Variants in DSCAML1 observed in about 807,000 individuals in gnomAD.
DSCAML1 encodes cell adhesion molecule DSCAML1.
A neutral mutation model predicts 200.5 loss-of-function variants in DSCAML1; 38 were observed. The observed-to-expected ratio is 0.19, with a 90% confidence interval of 0.15 to 0.25. The LOEUF is 0.25. Ranked by LOEUF, DSCAML1 falls within the 10% of genes least tolerant of loss-of-function variation. The pLI is 1.00. For synonymous variants in DSCAML1, 1,215 were observed against 1,165.0 expected (o/e 1.04, Z -0.87); for missense variants, 2,223 against 2,858.8 (o/e 0.78, Z 5.07).
intron 1 of DSCAML1, among the ~76,000 whole-genome samples, chr11:117,788,805 A>C (rs1204918385): frequency 6.6e-6 from 1 of 152,234 alleles, no homozygotes; most frequent in Non-Finnish European, 1.5e-5. Flanking sequence ...CACAGTTCGC[A>C]GTGGCAGAGC....
intron 3 of DSCAML1, among the ~76,000 whole-genome samples, chr11:117,666,478 G>A (rs2052978506): frequency 1.3e-5 from 2 of 152,160 alleles, no homozygotes; most frequent in Admixed American, 6.5e-5. Flanking sequence ...CTTTCTGCCT[G>A]TTTCCTGATC....
At chr11:117,650,362 C>T (rs926884753) in intron 3 of DSCAML1, among the ~76,000 whole-genome samples, 2 of 152,180 alleles carry the variant, frequency 1.3e-5, no homozygotes, top group Admixed American at 6.5e-5. Flanking sequence ...TGCATGTTGC[C>T]AGGATCCAGT....
intron 3 of DSCAML1, among the ~76,000 whole-genome samples, chr11:117,754,090 C>T (rs1026533481): frequency 3.3e-5 from 5 of 152,184 alleles, no homozygotes; most frequent in Admixed American, 2.0e-4. Flanking sequence ...CAGAGATTCC[C>T]GACTTTTGGA....
chr11:117,597,006 G>A (rs967000511), intron 3 of DSCAML1, among the ~76,000 whole-genome samples: 4 of 152,140 alleles, frequency 2.6e-5, no homozygotes, highest in Non-Finnish European at 4.4e-5. Context: ...ACTGTGATGA[G>A]CAGTCCCATA....
Position 117,497,079 on chromosome 11 carries a change from A to G in DSCAML1, c.2359+6766T>C, listed in dbSNP as rs79350250. 5.8e-4 allele frequency among the ~76,000 whole-genome samples: 88 copies of G among 152,296 alleles called. No individual in the cohort carries two copies. The East Asian group carries it at 0.013, about 22-fold the overall frequency. On this transcript the variant is annotated intron_variant, in intron 11 of 32. Coordinates refer to ENST00000651296, the MANE Select transcript of DSCAML1 (RefSeq NM_020693.4). ...ACAGCTTCTGAATGCTGGGGCCTGG[A>G]ACTGGCGACACATGCCCTCGAGTCT...
intron 14 of DSCAML1, among the ~76,000 whole-genome samples, chr11:117,475,791 T>C (rs2048779619): frequency 6.8e-6 from 1 of 147,382 alleles, no homozygotes; most frequent in Non-Finnish European, 1.5e-5. Context: ...GAACAACTCC[T>C]TTTTTTCTTC....
At chr11:117,794,786 C>G (rs1287831024) in intron 1 of DSCAML1, among the ~76,000 whole-genome samples, 1 of 151,846 alleles carries the variant, frequency 6.6e-6, no homozygotes, top group Non-Finnish European at 1.5e-5. Context: ...GCAGAACAGG[C>G]CCCAGGGACC....
At chr11:117,442,793 T>A (rs537314480) in intron 21 of DSCAML1, among the ~76,000 whole-genome samples, 5 of 151,928 alleles carry the variant, frequency 3.3e-5, no homozygotes, top group Non-Finnish European at 5.9e-5. Context: ...TAGGGGGTGG[T>A]AGGAGGTGCT....
At chr11:117,474,436 T>C (rs747071932) in intron 14 of DSCAML1, among the ~76,000 whole-genome samples, 1 of 152,186 alleles carries the variant, frequency 6.6e-6, no homozygotes, top group Non-Finnish European at 1.5e-5. Flanking sequence ...TCCTTCTCTC[T>C]TGCCATGCAC....
intron 18 of DSCAML1, among the ~76,000 whole-genome samples, chr11:117,461,045 T>C (rs1040749288): frequency 4.2e-5 from 6 of 143,500 alleles, no homozygotes; most frequent in African/African-American, 1.6e-4. Flanking sequence ...CTGGCTCACA[T>C]AGCCATAAAG....
At chr11:117,664,317 G>A (rs956506041) in intron 3 of DSCAML1, among the ~76,000 whole-genome samples, 1 of 152,220 alleles carries the variant, frequency 6.6e-6, no homozygotes, top group African/African-American at 2.4e-5. Context: ...TTCTGAGCAG[G>A]TATTTTTATT....
At chr11:117,697,442 A>G (rs1049339307) in intron 3 of DSCAML1, among the ~76,000 whole-genome samples, 1 of 152,168 alleles carries the variant, frequency 6.6e-6, no homozygotes, top group African/African-American at 2.4e-5. Context: ...ATGGCAAAAT[A>G]TGCATAATAT....
chr11:117,502,408 C>T (rs762133478), intron 11 of DSCAML1, among the ~76,000 whole-genome samples: 1 of 152,226 alleles, frequency 6.6e-6, no homozygotes, highest in Non-Finnish European at 1.5e-5. Context: ...TCCCCCGCCT[C>T]GCGCAGCCAG....
At chr11:117,554,294 T>C (rs579239) in intron 3 of DSCAML1, among the ~76,000 whole-genome samples, 45,077 of 152,088 alleles carry the variant, frequency 0.3, 7,161 homozygotes, top group South Asian at 0.46. Flanking sequence ...AGATGGGAAA[T>C]GTTGTCATGT....
chr11:117,460,551 C>T (rs2048459349), intron 18 of DSCAML1, among the ~76,000 whole-genome samples: 1 of 152,048 alleles, frequency 6.6e-6, no homozygotes, highest in Non-Finnish European at 1.5e-5. Flanking sequence ...TTTAATGGAG[C>T]ATTTCCACAG....
At chr11:117,723,259 A>C (rs2054069971) in intron 3 of DSCAML1, among the ~76,000 whole-genome samples, 1 of 152,220 alleles carries the variant, frequency 6.6e-6, no homozygotes, top group Non-Finnish European at 1.5e-5. Context: ...CTATATCTGC[A>C]CCAAAGTCAC....
chr11:117,481,663 G>A (rs2048924047), intron 12 of DSCAML1, among the ~76,000 whole-genome samples: 1 of 151,394 alleles, frequency 6.6e-6, no homozygotes, highest in African/African-American at 2.4e-5. Context: ...CCAGGAGAGA[G>A]GGAGGGGCTG....
chr11:117,680,550 G>C (rs569319021), intron 3 of DSCAML1, among the ~76,000 whole-genome samples: 1 of 152,342 alleles, frequency 6.6e-6, no homozygotes, highest in East Asian at 1.9e-4. Context: ...GGACTTCTGT[G>C]GGGGAGAACT....
chr11:117,453,746 C>CTTTCTTTTTTT (rs748920908), intron 19 of DSCAML1, among the ~76,000 whole-genome samples: 45 of 138,164 alleles, frequency 3.3e-4, no homozygotes, highest in Admixed American at 5.2e-4. Context: ...TTCTTTCTTT[C>CTTTCTTTTTTT]TTTTTTTTTT....
Sources: gnomAD v4.1 joint callset for allele counts (sites outside exome capture counted in the v4.1 genomes callset) on GRCh38, gnomAD v4.1.1 for gene constraint, MANE v1.5 for transcripts, NCBI Gene and HGNC (gene_info 2026-07-23, HGNC 2026-07-21) for gene names.